CAMK1D: variants seen among roughly 807,000 people sequenced by gnomAD.
The protein encoded by CAMK1D is calcium/calmodulin dependent protein kinase ID.
In CAMK1D, 9 loss-of-function variants were observed where a neutral mutation model predicts 47.7. The ratio of observed to expected loss-of-function variants is 0.19; its 90% CI spans 0.11 to 0.33. The LOEUF is 0.33. Ranked by LOEUF, CAMK1D falls within the 10% of genes least tolerant of loss-of-function variation. The probability of loss-of-function intolerance (pLI) is 1.00; values close to 1 mark genes in which losing one functional copy is unlikely to be tolerated. For synonymous variants in CAMK1D, 184 were observed against 184.9 expected (o/e 0.99, Z 0.04); for missense variants, 291 against 488.7 (o/e 0.60, Z 3.81).
chr10:12,609,487 C>A (rs940370074), intron 2 of CAMK1D, among the ~76,000 whole-genome samples: 2 of 152,164 alleles, frequency 1.3e-5, no homozygotes, highest in Admixed American at 6.5e-5. Flanking sequence ...GCTTGTTTTC[C>A]TGCAACTGGA....
At chr10:12,791,385 C>T (rs994689897) in intron 6 of CAMK1D, 152 bp downstream of exon 6, 1 of 637,354 alleles carries the variant, frequency 1.6e-6, no homozygotes, top group Non-Finnish European at 2.8e-6. Context: ...GGCATTAAGT[C>T]CATTCACAGT....
chr10:12,682,868 C>T (rs1832499094), intron 3 of CAMK1D, among the ~76,000 whole-genome samples: 1 of 135,352 alleles, frequency 7.4e-6, no homozygotes, highest in African/African-American at 2.6e-5. Flanking sequence ...TTTGCTTTAA[C>T]AGAAAGTTAT....
In CAMK1D at chr10:12,823,962, G is replaced by A. The variant is rs142760926; in HGVS notation, c.834-503G>A. Among the ~76,000 whole-genome samples, 196 of 152,096 alleles carry A rather than the reference G, an allele frequency of 1.3e-3. 2 individuals are homozygous for A. Among genetic ancestry groups the A allele is most frequent in the African/African-American group, 4.6e-3 (189 of 41,504 alleles). ...GTGCCCTGGGAGCAGCGCCCCTGGG[G>A]AAGACAGAGAGGAGGGACCTCGGGT... On this transcript the variant is annotated intron_variant, in intron 8 of 10. Transcript: ENST00000619168.
intron 1 of CAMK1D, among the ~76,000 whole-genome samples, chr10:12,543,730 G>A (rs2132251004): frequency 6.6e-6 from 1 of 152,256 alleles, no homozygotes; most frequent in Middle Eastern, 3.4e-3. Flanking sequence ...GGAAGAAAAG[G>A]CATTCCCAGA....
chr10:12,815,509 A>T (rs1832757966), intron 7 of CAMK1D, among the ~76,000 whole-genome samples: 1 of 152,154 alleles, frequency 6.6e-6, no homozygotes, highest in African/African-American at 2.4e-5. Flanking sequence ...GCCACATGGG[A>T]AGTATTTTCC....
intron 6 of CAMK1D, among the ~76,000 whole-genome samples, chr10:12,795,439 G>T (rs1416846249): frequency 6.6e-6 from 1 of 152,178 alleles, no homozygotes; most frequent in Non-Finnish European, 1.5e-5. Context: ...CAAGGCCACT[G>T]AGCGGTCCAT....
intron 1 of CAMK1D, among the ~76,000 whole-genome samples, chr10:12,464,839 C>T (rs1833545215): frequency 6.7e-6 from 1 of 149,958 alleles, no homozygotes; most frequent in Admixed American, 6.6e-5. Context: ...AAAGAGTGAT[C>T]AAATTCATCC....
chr10:12,500,167 G>A (rs1470813399), intron 1 of CAMK1D, among the ~76,000 whole-genome samples: 2 of 152,186 alleles, frequency 1.3e-5, no homozygotes, highest in Non-Finnish European at 2.9e-5. Flanking sequence ...TTGGGAGGCT[G>A]AGGCAAGAGA....
chr10:12,402,854 A>T (rs1227141104), intron 1 of CAMK1D, among the ~76,000 whole-genome samples: 1 of 151,994 alleles, frequency 6.6e-6, no homozygotes, highest in African/African-American at 2.4e-5. Context: ...TACTGAGGAT[A>T]TACACAGGAC....
intron 1 of CAMK1D, among the ~76,000 whole-genome samples, chr10:12,417,732 C>T (rs1839903795): frequency 6.6e-6 from 1 of 152,050 alleles, no homozygotes; most frequent in Non-Finnish European, 1.5e-5. Context: ...GATGGAGTGG[C>T]TACACTCTTA....
intron 1 of CAMK1D, among the ~76,000 whole-genome samples, chr10:12,446,124 G>GC (rs1228032489): frequency 6.6e-6 from 1 of 152,096 alleles, no homozygotes; most frequent in Non-Finnish European, 1.5e-5. Flanking sequence ...CATGATCCAG[G>GC]CCCCAAGAGA....
At chr10:12,427,700 G>GTTTTTTTTTTTTTTTT (rs768000055) in intron 1 of CAMK1D, among the ~76,000 whole-genome samples, 1,020 of 31,010 alleles carry the variant, frequency 0.033, 331 homozygotes, top group Non-Finnish European at 0.043. Flanking sequence ...TGAACTTACT[G>GTTTTTTTTTTTTTTTT]TTTTTTTTTT....
chr10:12,572,904 T>C (rs989643913), intron 2 of CAMK1D, among the ~76,000 whole-genome samples: 1 of 152,178 alleles, frequency 6.6e-6, no homozygotes, highest in African/African-American at 2.4e-5. Context: ...AATGCTGGAT[T>C]GCAGGTGTGA....
At chr10:12,618,179 C>A (rs1838882278) in intron 2 of CAMK1D, among the ~76,000 whole-genome samples, 1 of 152,226 alleles carries the variant, frequency 6.6e-6, no homozygotes, top group Non-Finnish European at 1.5e-5. Flanking sequence ...ATTTCCTATT[C>A]CTGCCTCCAT....
At chr10:12,502,826 G>A (rs1834746635) in intron 1 of CAMK1D, among the ~76,000 whole-genome samples, 2 of 152,298 alleles carry the variant, frequency 1.3e-5, no homozygotes, top group Admixed American at 6.5e-5. Flanking sequence ...GTGTGCCTGC[G>A]ACCCTGGAAG....
At chr10:12,778,442 T>C (rs918709274) in intron 5 of CAMK1D, among the ~76,000 whole-genome samples, 1 of 152,182 alleles carries the variant, frequency 6.6e-6, no homozygotes, top group African/African-American at 2.4e-5. Context: ...CAGGAGTTGG[T>C]GGGCATCCCC....
chr10:12,706,445 C>T (rs1387282947), intron 3 of CAMK1D, among the ~76,000 whole-genome samples: 1 of 152,116 alleles, frequency 6.6e-6, no homozygotes, highest in Non-Finnish European at 1.5e-5. Flanking sequence ...GGTGTGGTGG[C>T]TCACACCTGC....
chr10:12,652,838 C>T (rs1193046531), intron 2 of CAMK1D, among the ~76,000 whole-genome samples: 1 of 152,186 alleles, frequency 6.6e-6, no homozygotes, highest in Non-Finnish European at 1.5e-5. Context: ...GTATTACACA[C>T]CCCTCGTTTA....
chr10:12,705,617 G>A (rs968374148), intron 3 of CAMK1D, among the ~76,000 whole-genome samples: 1 of 152,174 alleles, frequency 6.6e-6, no homozygotes, highest in South Asian at 2.1e-4. Context: ...GTCCTCGATT[G>A]TGAGTATGGC....
Sources: allele counts gnomAD v4.1 joint callset (sites outside exome capture counted in the v4.1 genomes callset), GRCh38; gene constraint gnomAD v4.1.1; transcripts MANE v1.5; gene names NCBI Gene and HGNC (gene_info 2026-07-23, HGNC 2026-07-21).